Variants in RTEL1 observed in about 807,000 individuals in gnomAD.
RTEL1 encodes the protein regulator of telomere length.
RTEL1 carries 86 observed loss-of-function variants against 162.2 expected under a neutral mutation model. The observed-to-expected ratio is 0.53, with a 90% CI of 0.45 to 0.63. RTEL1 has a LOEUF of 0.63. Ranked by LOEUF, RTEL1 falls within the 30% of genes least tolerant of loss-of-function variation. The probability of loss-of-function intolerance (pLI) is 0.00; values close to 1 mark genes in which losing one functional copy is unlikely to be tolerated. For synonymous variants in RTEL1, 958 were observed against 717.9 expected (o/e 1.33, Z -5.35); for missense variants, 1,941 against 1,750.2 (o/e 1.11, Z -1.95).
At chr20:63,666,909 G>T (rs369328733) in intron 7 of RTEL1, among the ~76,000 whole-genome samples, 3 of 145,490 alleles carry the variant, frequency 2.1e-5, no homozygotes, top group Admixed American at 7.2e-5. Flanking sequence ...GTGCGATCTC[G>T]GCTCACTGCA....
chr20:63,681,190 C>T (rs147047857), intron 14 of RTEL1: 1 of 985,454 alleles, frequency 1.0e-6, no homozygotes, highest in Non-Finnish European at 1.2e-6. Context: ...CCCTGGCCCC[C>T]TTCTCATTGG....
chr20:63,689,951 CCCCG>C, intron 24 of RTEL1, 86 bp downstream of exon 24: 2 of 1,550,700 alleles, frequency 1.3e-6, no homozygotes, highest in South Asian at 2.3e-5. Context: ...CCACATGAGG[CCCCG>C]TCTCCTCCAG....
At chr20:63,662,738 G>C in intron 5 of RTEL1, 91 bp from the exon 6 acceptor site, 1 of 1,593,656 alleles carries the variant, frequency 6.3e-7, no homozygotes, top group Non-Finnish European at 8.6e-7. Context: ...TTCACTGGGG[G>C]ACTGCAGGGG....
Position 63,692,850 on chromosome 20 carries a change from A to G in RTEL1, c.2698A>G (p.Met900Val), listed in dbSNP as rs749041304. ...GAQTDRAKLF[M>V]VAVKQELSQA... is the part of the protein sequence containing the mutation. ...ACAGACGGACAGGGCCAAGCTCTTC[A>G]TGGTGGCCGTGAAGCAGGAGTTGAG... Residue 900 changes from methionine (M) to valine (V), a missense_variant, in exon 29 of 35, where the codon ATG becomes GTG. Coordinates refer to ENST00000360203, the MANE Select transcript of RTEL1 (RefSeq NM_001283009.2). 2.4e-5 allele frequency: 39 copies of G among 1,612,518 alleles called. No homozygotes were observed. The highest frequency in any genetic ancestry group is 2.3e-5 in the Non-Finnish European group (27 of 1,179,858).
chr20:63,690,582 C>G (rs1276588793), intron 26 of RTEL1, 141 bp downstream of exon 26: 2 of 1,236,924 alleles, frequency 1.6e-6, no homozygotes, highest in Admixed American at 5.8e-5. Flanking sequence ...CTGCCTCTCC[C>G]TCCTAGGGCA....
chr20:63,659,363 C>A lies in RTEL1; in HGVS notation c.-40C>A. 2.0e-6 allele frequency: 3 copies of A among 1,481,942 alleles called. No homozygotes were observed. The highest frequency in any genetic ancestry group is 2.8e-6 in the Non-Finnish European group (3 of 1,060,062). The allele number at this position is 1,481,942 out of a possible 1,614,324, so 91.8% of individuals were successfully genotyped here. A position where few individuals can be genotyped will look rare whatever the true frequency, so the allele number is the denominator to read the frequency against. On this transcript the variant is annotated 5_prime_UTR_variant, in exon 2 of 35. Coordinates refer to ENST00000360203, the MANE Select transcript of RTEL1 (RefSeq NM_001283009.2). ...TTTCGCACAGACCCGAATAGCCTGC[C>A]CCTCAGCCACGCTCTGTGCCCTTCT...
chr20:63,690,119 C>G lies in RTEL1; in HGVS notation c.2174C>G (p.Pro725Arg), dbSNP rs1472657490. The change falls in exon 25 of 35, where the codon CCC (proline) becomes CGC (arginine). Residue 725 changes from proline (P) to arginine (R), a missense_variant. Physicochemically the swap from Pro to Arg is moderately radical, Grantham distance 103. Transcript: ENST00000360203. ...TTTGCCGACGCAAGAGCCCAACTGCCCTCCTGGGTGCGTCCCCACGTCAGG... is the reference window on the plus strand; with the variant it reads ...TTTGCCGACGCAAGAGCCCAACTGCGCTCCTGGGTGCGTCCCCACGTCAGG... ...FAFADARAQL[P>R]SWVRPHVRVY... 6.2e-7 allele frequency: 1 copy of G among 1,612,164 alleles called. No homozygotes were observed. The highest frequency in any genetic ancestry group is 1.3e-5 in the African/African-American group (1 of 74,914).
chr20:63,681,209 T>A (rs562635301), intron 14 of RTEL1: 2 of 985,448 alleles, frequency 2.0e-6, no homozygotes, highest in African/African-American at 3.5e-5. Context: ...GGCCCCGTCC[T>A]GTCCTGCAAT....
chr20:63,695,651 G>T lies in RTEL1; in HGVS notation c.3822+1G>T. On this transcript the variant is annotated splice_donor_variant, in intron 34 of 34. Transcript: ENST00000360203. LOFTEE classifies it high-confidence loss of function. ...AGCCTGCTGGCAACGGCACCTTCAG[G>T]TTGGTGCCTGGCCACTACAGTTCCT... The T allele has an allele frequency of 6.2e-7, 1 of 1,611,200 alleles. No individual in the cohort carries two copies. The highest frequency in any genetic ancestry group is 8.5e-7 in the Non-Finnish European group (1 of 1,179,828).
Position 63,688,522 on chromosome 20 carries a change from C to T in RTEL1, c.1723-6C>T. 6.2e-7 allele frequency: 1 copy of T among 1,610,062 alleles called. No individual in the cohort carries two copies. The highest frequency in any genetic ancestry group is 1.1e-5 in the South Asian group (1 of 90,724). On this transcript the variant is annotated splice_region_variant and splice_polypyrimidine_tract_variant and intron_variant, in intron 20 of 34. Transcript: ENST00000360203. ...GCTGCCGTGTCCCTGCCTCTTCCTC[C>T]CACAGGCCCGCGACTTGGCCAGGAA...
intron 30 of RTEL1, among the ~76,000 whole-genome samples, 179 bp downstream of exon 30, chr20:63,693,462 T>TTCACCACCACCACCTCCACCACCACCA (rs377133003): frequency 2.1e-4 from 2 of 9,546 alleles, no homozygotes; most frequent in Non-Finnish European, 4.2e-4. Context: ...CACCTCCACC[T>TTCACCACCACCACCTCCACCACCACCA]CCACCTCCAC....
chr20:63,677,015 T>G (rs2090367635), intron 10 of RTEL1, among the ~76,000 whole-genome samples: 1 of 152,112 alleles, frequency 6.6e-6, no homozygotes, highest in South Asian at 2.1e-4. Flanking sequence ...TGCTCCCTCC[T>G]GAATCTCACT....
intron 7 of RTEL1, among the ~76,000 whole-genome samples, chr20:63,666,834 C>CTTTT (rs146252896): frequency 1.3e-4 from 13 of 102,180 alleles, no homozygotes; most frequent in Non-Finnish European, 1.6e-4. Context: ...CTGGCCAGCT[C>CTTTT]TTTTTTTTTT....
chr20:63,681,849 C>T (rs1393123340), intron 14 of RTEL1: 1 of 985,280 alleles, frequency 1.0e-6, no homozygotes, highest in African/African-American at 1.7e-5. Flanking sequence ...CTCCCAACTC[C>T]TCCCCAAAGG....
At chr20:63,695,041 C>G in intron 32 of RTEL1, 25 bp from the exon 33 acceptor site, 2 of 1,610,300 alleles carry the variant, frequency 1.2e-6, no homozygotes, top group South Asian at 1.1e-5. Flanking sequence ...GGGGCTGTGC[C>G]GGGTCTGATT....
intron 26 of RTEL1, 53 bp downstream of exon 26, chr20:63,690,494 G>GT: frequency 8.2e-6 from 11 of 1,336,762 alleles, no homozygotes; most frequent in South Asian, 1.4e-5. Flanking sequence ...AGCGGGCGGC[G>GT]TGGGGCGGGC....
chr20:63,661,054 C>G lies in RTEL1; in HGVS notation c.103-244C>G, dbSNP rs190666393. 6.6e-6 allele frequency among the ~76,000 whole-genome samples: 1 copy of G among 152,242 alleles called. No individual in the cohort carries two copies. Among genetic ancestry groups the G allele is most frequent in the Non-Finnish European group, 1.5e-5 (1 of 68,044 alleles). ...TACTATTTAAGCTGAAAAATAGTGTCGTGTTTTGGGTAACGTTCTGCAAAT... is the reference window on the plus strand; with the variant it reads ...TACTATTTAAGCTGAAAAATAGTGTGGTGTTTTGGGTAACGTTCTGCAAAT... On this transcript the variant is annotated intron_variant, in intron 2 of 34. Coordinates refer to ENST00000360203, the MANE Select transcript of RTEL1 (RefSeq NM_001283009.2). The surrounding 1 kb of genome is among the most constrained non-coding windows in gnomAD (Gnocchi z 5.1).
intron 8 of RTEL1, among the ~76,000 whole-genome samples, chr20:63,667,902 A>G (rs2090167471): frequency 6.8e-6 from 1 of 147,754 alleles, no homozygotes; most frequent in Non-Finnish European, 1.5e-5. Context: ...AAGCCCACTG[A>G]CTCCCCTCTT....
At chr20:63,692,577 C>T (rs1180770351) in intron 28 of RTEL1, 16 of 588,092 alleles carry the variant, frequency 2.7e-5, no homozygotes, top group East Asian at 5.6e-5. Context: ...TCACTGCTCT[C>T]AGTTCCCTGC....
Sources: allele counts gnomAD v4.1 joint callset (sites outside exome capture counted in the v4.1 genomes callset), GRCh38; gene constraint gnomAD v4.1.1; non-coding constraint Gnocchi (gnomAD v3.1); transcripts MANE v1.5; gene names NCBI Gene and HGNC (gene_info 2026-07-23, HGNC 2026-07-21).